The following ITGB6 variants were observed in gnomAD, a reference collection of about 807,000 sequenced individuals.
ITGB6 encodes integrin subunit beta 6.
In ITGB6, 80 loss-of-function variants were observed where a neutral mutation model predicts 84.5. The ratio of observed to expected loss-of-function variants is 0.95; its 90% CI spans 0.79 to 1.14. The LOEUF (loss-of-function observed/expected upper bound fraction) is 1.14, where lower values mean the gene tolerates loss of function less well. ITGB6 is among the 50% of genes most tolerant of loss of function. The pLI is 0.00. For synonymous variants in ITGB6, 383 were observed against 354.9 expected (o/e 1.08, Z -0.89); for missense variants, 1,006 against 968.0 (o/e 1.04, Z -0.52).
At chr2:160,192,176 A>G (rs1332447203) in intron 4 of ITGB6, among the ~76,000 whole-genome samples, 1 of 152,030 alleles carries the variant, frequency 6.6e-6, no homozygotes, top group Non-Finnish European at 1.5e-5. Flanking sequence ...AAACAAAATG[A>G]AAGAACAAAG....
chr2:160,145,242 A>G (rs1684144376), intron 7 of ITGB6, among the ~76,000 whole-genome samples: 1 of 152,194 alleles, frequency 6.6e-6, no homozygotes, highest in Non-Finnish European at 1.5e-5. Flanking sequence ...TGCAAACATG[A>G]TGTTGCATGA....
intron 12 of ITGB6, among the ~76,000 whole-genome samples, chr2:160,116,789 C>T (rs1682790415): frequency 6.6e-6 from 1 of 152,032 alleles, no homozygotes; most frequent in Admixed American, 6.6e-5. Context: ...CAGAGACACA[C>T]ATAGGCTCAA....
At chr2:160,119,122 C>A (rs368239727) in intron 12 of ITGB6, among the ~76,000 whole-genome samples, 17 of 152,136 alleles carry the variant, frequency 1.1e-4, no homozygotes, top group South Asian at 4.1e-4. Context: ...TGCCATCCCC[C>A]TCAAGCTACC....
rs542360014 is a variant in ITGB6 at position 160,115,529 on chromosome 2, G to A, written c.1982-3330C>T. 9.2e-5 allele frequency among the ~76,000 whole-genome samples: 14 copies of A among 152,250 alleles called. No individual in the cohort carries two copies. In the South Asian group the frequency reaches 2.9e-3, roughly 32 times the overall value. Reference sequence around the variant, plus strand: ...CCTTCTGTACATCAGCATCATCAAAGACCAAAAGTAGATAAAACCACAAAG... The same window carrying A: ...CCTTCTGTACATCAGCATCATCAAAAACCAAAAGTAGATAAAACCACAAAG... On this transcript the variant is annotated intron_variant, in intron 12 of 14. Transcript: ENST00000283249.
At chr2:160,106,274 TG>T (rs1306825547) in intron 14 of ITGB6, among the ~76,000 whole-genome samples, 4 of 152,222 alleles carry the variant, frequency 2.6e-5, no homozygotes, top group Non-Finnish European at 4.4e-5. Flanking sequence ...GGGCTCACTC[TG>T]TCACCTAGGC....
chr2:160,109,247 G>A (rs976803635), intron 13 of ITGB6, among the ~76,000 whole-genome samples: 2 of 152,212 alleles, frequency 1.3e-5, no homozygotes, highest in African/African-American at 4.8e-5. Context: ...AATAAGTAAA[G>A]GAGCTAATGA....
chr2:160,193,824 C>A (rs918519285), intron 4 of ITGB6, among the ~76,000 whole-genome samples: 8 of 152,168 alleles, frequency 5.3e-5, no homozygotes, highest in Admixed American at 6.5e-5. Flanking sequence ...TGCCATACTA[C>A]CCCTGAATGG....
chr2:160,179,522 A>G (rs1685576563), intron 4 of ITGB6, among the ~76,000 whole-genome samples: 1 of 149,914 alleles, frequency 6.7e-6, no homozygotes, highest in Non-Finnish European at 1.5e-5. Flanking sequence ...CTGAGATTAC[A>G]GGCATGCACC....
chr2:160,154,439 G>C (rs1323600846), intron 7 of ITGB6, among the ~76,000 whole-genome samples: 1 of 151,808 alleles, frequency 6.6e-6, no homozygotes, highest in Non-Finnish European at 1.5e-5. Context: ...GTTATGGGGT[G>C]GGGGGCTGGG....
intron 10 of ITGB6, among the ~76,000 whole-genome samples, chr2:160,135,882 A>G (rs1683692371): frequency 6.6e-6 from 1 of 152,226 alleles, no homozygotes; most frequent in Non-Finnish European, 1.5e-5. Context: ...TCCCTTCCTT[A>G]CACCTTATAC....
chr2:160,165,643 C>T (rs1181961799), intron 7 of ITGB6, among the ~76,000 whole-genome samples: 3 of 152,132 alleles, frequency 2.0e-5, no homozygotes, highest in Non-Finnish European at 2.9e-5. Context: ...TTCCACAAGC[C>T]ACACAAGGAC....
intron 14 of ITGB6, 71 bp downstream of exon 14, chr2:160,107,608 C>T: frequency 7.2e-7 from 1 of 1,388,150 alleles, no homozygotes; most frequent in Middle Eastern, 1.8e-4. Flanking sequence ...CAGAAGAAAG[C>T]TGAGCCCCTC....
chr2:160,118,500 T>C (rs910530810), intron 12 of ITGB6, among the ~76,000 whole-genome samples: 69 of 152,072 alleles, frequency 4.5e-4, no homozygotes, highest in Non-Finnish European at 4.9e-4. Flanking sequence ...AATTAGGTAT[T>C]GATGGGACGT....
At chr2:160,183,760 C>T (rs766336302) in intron 4 of ITGB6, among the ~76,000 whole-genome samples, 4 of 152,048 alleles carry the variant, frequency 2.6e-5, no homozygotes, top group Admixed American at 6.6e-5. Flanking sequence ...CCTCAGCAAA[C>T]GCAAAAGAAT....
At chr2:160,114,571 G>T (rs145117516) in intron 12 of ITGB6, among the ~76,000 whole-genome samples, 2 of 152,224 alleles carry the variant, frequency 1.3e-5, no homozygotes, top group Non-Finnish European at 2.9e-5. Context: ...AGCACCCAGC[G>T]TGAGCAACGC....
chr2:160,162,930 A>G (rs540602164), intron 7 of ITGB6, among the ~76,000 whole-genome samples: 1 of 152,134 alleles, frequency 6.6e-6, no homozygotes, highest in East Asian at 1.9e-4. Flanking sequence ...AGTGTTTATT[A>G]TATTACGCCA....
At chr2:160,199,388 C>T (rs1217535044) in intron 1 of ITGB6, 130 bp from the exon 2 acceptor site, 14 of 625,976 alleles carry the variant, frequency 2.2e-5, no homozygotes, top group Admixed American at 8.3e-5. Flanking sequence ...AATCAGTCCT[C>T]GAAATGTTAG....
chr2:160,158,766 G>T (rs1684715723), intron 7 of ITGB6, among the ~76,000 whole-genome samples: 1 of 152,178 alleles, frequency 6.6e-6, no homozygotes. Context: ...AGTGTGATTT[G>T]TGGACTGACA....
intron 7 of ITGB6, among the ~76,000 whole-genome samples, chr2:160,144,781 A>G (rs1381279174): frequency 6.6e-6 from 1 of 152,212 alleles, no homozygotes; most frequent in African/African-American, 2.4e-5. Context: ...ATAATCCTGC[A>G]TGTGGTATGA....
Sources: allele counts gnomAD v4.1 joint callset (sites outside exome capture counted in the v4.1 genomes callset), GRCh38; gene constraint gnomAD v4.1.1; transcripts MANE v1.5; gene names NCBI Gene and HGNC (gene_info 2026-07-23, HGNC 2026-07-21).